Variants in WNK4 observed in about 807,000 individuals in gnomAD.
The protein encoded by WNK4 is serine/threonine-protein kinase WNK4.
A neutral mutation model predicts 116.2 loss-of-function variants in WNK4; 94 were observed. That is an observed-to-expected ratio of 0.81 (90% CI 0.68 to 0.96). The LOEUF (loss-of-function observed/expected upper bound fraction) is 0.96. WNK4 is among the 40% of genes least tolerant of loss of function. The pLI, the probability that WNK4 is intolerant of heterozygous loss-of-function variation, is 0.00. For missense variants in WNK4, 1,542 were observed against 1,650.6 expected, an observed-to-expected ratio of 0.93 and a Z score of 1.14; for synonymous variants, 655 against 672.7, an observed-to-expected ratio of 0.97 and a Z score of 0.41.
intron 11 of WNK4, among the ~76,000 whole-genome samples, chr17:42,791,142 C>T (rs1053097148): frequency 6.6e-6 from 1 of 152,164 alleles, no homozygotes; most frequent in Non-Finnish European, 1.5e-5. Flanking sequence ...CCCCATGCAC[C>T]CAGAGTCCTT....
chr17:42,794,925 C>G lies in WNK4; in HGVS notation c.2504C>G (p.Pro835Arg), dbSNP rs1567654337. 1.9e-6 allele frequency: 3 copies of G among 1,612,768 alleles called. No homozygotes were observed. Among genetic ancestry groups the G allele is most frequent in the Non-Finnish European group, 2.5e-6 (3 of 1,179,496 alleles). Residue 835 changes from proline to arginine, a missense_variant, in exon 14 of 19, where the codon CCA becomes CGA. This residue lies in a region of WNK4 where 808 missense variants were observed against 873.6 expected (regional missense o/e 0.92). Transcript: ENST00000246914. ...CCCATCTTCCCCATCACTTCTCCCC[C>G]ATGTCATCCCAGCCCCTCCCCATTC... The part of the protein sequence containing the change: ...PGPIFPITSP[P>R]CHPSPSPFSP...
At chr17:42,789,396 C>T (rs1020388741) in intron 11 of WNK4, among the ~76,000 whole-genome samples, 1 of 152,144 alleles carries the variant, frequency 6.6e-6, no homozygotes, top group Non-Finnish European at 1.5e-5. Flanking sequence ...GTGGCTCACA[C>T]CTGTAATCCC....
chr17:42,794,106 G>C (rs142604731), intron 12 of WNK4: 3,919 of 331,732 alleles, frequency 0.012, 141 homozygotes, highest in African/African-American at 0.078. Flanking sequence ...CGCCCTCCTC[G>C]GCCTCCCAAA....
intron 11 of WNK4, 50 bp from the exon 12 acceptor site, chr17:42,793,542 G>A (rs1048049107): frequency 6.2e-7 from 1 of 1,609,924 alleles, no homozygotes. Flanking sequence ...GGGGGAGAGG[G>A]ATGAGTGAGA....
In WNK4 at chr17:42,785,325, T is replaced by G; in HGVS notation, c.1319T>G (p.Val440Gly). Reference sequence around the variant, plus strand: ...TTCCGCGAGGAGCGCGGTGTGCACGTGGAACTAGCGGAGGAGGACGACGGC... The same window carrying G: ...TTCCGCGAGGAGCGCGGTGTGCACGGGGAACTAGCGGAGGAGGACGACGGC... ...AFFREERGVH[V>G]ELAEEDDGEK... is the part of the protein sequence containing the mutation. The change falls in exon 6 of 19, where the codon GTG (valine) becomes GGG (glycine). Residue 440 changes from valine to glycine, a missense_variant. By Grantham distance (109) the Val-to-Gly change is moderately radical (BLOSUM62 -3). Coordinates refer to ENST00000246914, the MANE Select transcript of WNK4 (RefSeq NM_032387.5). 1 of 1,612,154 alleles carries G rather than the reference T, an allele frequency of 6.2e-7. No homozygotes were observed. Among genetic ancestry groups the G allele is most frequent in the Non-Finnish European group, 8.5e-7 (1 of 1,179,258 alleles).
intron 11 of WNK4, among the ~76,000 whole-genome samples, chr17:42,790,667 G>A (rs1374894306): frequency 6.6e-6 from 1 of 152,152 alleles, no homozygotes; most frequent in Admixed American, 6.5e-5. Flanking sequence ...AGAGACGTAG[G>A]AGGATGTTAG....
intron 11 of WNK4, 117 bp downstream of exon 11, chr17:42,788,914 T>C: frequency 2.3e-6 from 2 of 854,692 alleles, no homozygotes; most frequent in South Asian, 2.7e-5. Context: ...AATCTCTGGT[T>C]GACACTTAGC....
chr17:42,783,674 C>T (rs2054508603), intron 2 of WNK4: 1 of 566,902 alleles, frequency 1.8e-6, no homozygotes, highest in South Asian at 2.1e-5. Context: ...GGCAGTTAGT[C>T]ATCCCTTCCT....
At chr17:42,794,290 GA>G (rs2054637689) in intron 12 of WNK4, 1 of 424,092 alleles carries the variant, frequency 2.4e-6, no homozygotes, top group Admixed American at 3.8e-5. Flanking sequence ...GAAGTTGCAA[GA>G]ATTATATAAA....
At position 42,785,110 on chromosome 17, in the gene WNK4, A is replaced by G. The variant is rs979156318; in HGVS notation, c.1184A>G (p.Asn395Ser). The G allele has an allele frequency of 6.2e-7, 1 of 1,613,488 alleles. No homozygotes were observed. Among genetic ancestry groups the G allele is most frequent in the Non-Finnish European group, 8.5e-7 (1 of 1,179,872 alleles). ...CCCCTTCCCCAGGGCAGAAAGCCGAACAGCTTCCACAAGGTGAAGATACCC... is the reference window on the plus strand; with the variant it reads ...CCCCTTCCCCAGGGCAGAAAGCCGAGCAGCTTCCACAAGGTGAAGATACCC... ...YRKVTSGRKP[N>S]SFHKVKIPEV... The change falls in exon 5 of 19, where the codon AAC becomes AGC. Residue 395 changes from asparagine to serine, a missense_variant. Coordinates refer to ENST00000246914, the MANE Select transcript of WNK4 (RefSeq NM_032387.5).
At chr17:42,781,457 T>C in intron 1 of WNK4, 141 bp downstream of exon 1, 3 of 1,182,740 alleles carry the variant, frequency 2.5e-6, no homozygotes, top group Non-Finnish European at 3.6e-6. Flanking sequence ...CTGCTGTCTT[T>C]GCCCTGAATG....
At position 42,782,809 on chromosome 17, in the gene WNK4, A is replaced by G. The variant is rs745863022; in HGVS notation, c.670A>G (p.Met224Val). The G allele has an allele frequency of 6.2e-6, 10 of 1,614,014 alleles. No individual in the cohort carries two copies. The highest frequency in any genetic ancestry group is 1.1e-5 in the South Asian group (1 of 91,090). The part of the protein sequence containing the change: ...ERQRFSEEVE[M>V]LKGLQHPNIV... ...GCAGCGCTTCTCAGAGGAGGTGGAG[A>G]TGCTCAAGGGGCTGCAGCACCCCAA... The change falls in exon 2 of 19, where the codon ATG becomes GTG. Residue 224 changes from methionine to valine, a missense_variant. Coordinates refer to ENST00000246914, the MANE Select transcript of WNK4 (RefSeq NM_032387.5). This position sits in a 1 kb window ranked among gnomAD's most constrained non-coding sequence, Gnocchi z 4.2.
At chr17:42,786,341 G>A (rs2054549428) in intron 6 of WNK4, among the ~76,000 whole-genome samples, 1 of 152,232 alleles carries the variant, frequency 6.6e-6, no homozygotes, top group Non-Finnish European at 1.5e-5. Flanking sequence ...AGAGGCATAA[G>A]ATGCAAGGGC....
Position 42,785,402 on chromosome 17 carries a change from G to A in WNK4, c.1396G>A (p.Gly466Arg), listed in dbSNP as rs1036266170. ...WLRMEDARRG[G>R]RPRDNQAIEF... The stretch of plus-strand genomic sequence containing the variant: ...GCGCATGGAGGACGCGCGGCGCGGG[G>A]GGCGCCCACGGGACAACCAGGCCAT... The change falls in exon 6 of 19, where the codon GGG (glycine) becomes AGG (arginine). Residue 466 changes from glycine (G) to arginine (R), a missense_variant. Coordinates refer to ENST00000246914, the MANE Select transcript of WNK4 (RefSeq NM_032387.5). 12 of 1,574,602 alleles carry A rather than the reference G, an allele frequency of 7.6e-6. No individual in the cohort carries two copies. Among genetic ancestry groups the A allele is most frequent in the Admixed American group, 3.7e-5 (2 of 53,664 alleles).
In WNK4 at chr17:42,788,651, T is replaced by C. The variant is rs1275302867; in HGVS notation, c.2041-30T>C. On this transcript the variant is annotated intron_variant, in intron 10 of 18. Transcript: ENST00000246914. ...ACAGCATGATGAAGAGGGCTTGACCTTCTCCCCTCTGCTGACTTTGAATCT... is the reference window on the plus strand; with the variant it reads ...ACAGCATGATGAAGAGGGCTTGACCCTCTCCCCTCTGCTGACTTTGAATCT... 3.8e-6 allele frequency: 6 copies of C among 1,569,986 alleles called. No individual in the cohort carries two copies. In the African/African-American group the frequency reaches 8.1e-5, roughly 21 times the overall value.
At chr17:42,789,291 C>G (rs1045874973) in intron 11 of WNK4, among the ~76,000 whole-genome samples, 1 of 152,074 alleles carries the variant, frequency 6.6e-6, no homozygotes, top group African/African-American at 2.4e-5. Flanking sequence ...AGTAAAGATT[C>G]CTATAGGAGA....
chr17:42,796,269 G>A lies in WNK4; in HGVS notation c.3578G>A (p.Ser1193Asn), dbSNP rs1261265648. ...CGCCAGCGCCGCCTCTCCAAGGGCA[G>A]CTTCCCCACCTCCCGCCGCAACAGC... ...SSRQRRLSKG[S>N]FPTSRRNSLQ... Residue 1193 changes from serine (S) to asparagine (N), a missense_variant, in exon 17 of 19, where the codon AGC (serine) becomes AAC (asparagine). Ser to Asn is a conservative substitution (Grantham distance 46). Transcript: ENST00000246914. 3 of 1,609,456 alleles carry A rather than the reference G, an allele frequency of 1.9e-6. No homozygotes were observed. Among genetic ancestry groups the A allele is most frequent in the Admixed American group, 1.7e-5 (1 of 59,272 alleles).
chr17:42,795,620 T>C lies in WNK4; in HGVS notation c.3023-5T>C. 1 of 1,613,976 alleles carries C rather than the reference T, an allele frequency of 6.2e-7. No individual in the cohort carries two copies. The highest frequency in any genetic ancestry group is 2.2e-5 in the East Asian group (1 of 44,882). On this transcript the variant is annotated splice_region_variant and splice_polypyrimidine_tract_variant and intron_variant, in intron 15 of 18. Transcript: ENST00000246914. ...CCTCATGCCTTCTTCCTCGTCGCCC[T>C]ACAGAGGGAAAGCCGCAGCTTGTTG...
At chr17:42,789,963 G>A (rs1328309451) in intron 11 of WNK4, among the ~76,000 whole-genome samples, 1 of 150,320 alleles carries the variant, frequency 6.7e-6, no homozygotes, top group African/African-American at 2.5e-5. Flanking sequence ...CTTTGATCAC[G>A]CCACTGCACT....
Sources: allele counts gnomAD v4.1 joint callset (sites outside exome capture counted in the v4.1 genomes callset), GRCh38; gene constraint gnomAD v4.1.1; regional missense constraint gnomAD v4.1.1; non-coding constraint Gnocchi (gnomAD v3.1); transcripts MANE v1.5; gene names NCBI Gene and HGNC (gene_info 2026-07-23, HGNC 2026-07-21).